The following MYLIP variants were observed in gnomAD, a reference collection of about 807,000 sequenced individuals.
MYLIP encodes myosin regulatory light chain interacting protein.
A neutral mutation model predicts 45.8 loss-of-function variants in MYLIP; 26 were observed. The observed-to-expected ratio is 0.57, with a 90% CI of 0.42 to 0.79. The LOEUF (loss-of-function observed/expected upper bound fraction) is 0.79, where lower values mean the gene tolerates loss of function less well. Among genes scored for constraint, MYLIP ranks in the 30% least tolerant of loss-of-function variants. MYLIP has a pLI of 0.00. For synonymous variants in MYLIP, 213 were observed against 218.1 expected, an observed-to-expected ratio of 0.98 and a Z score of 0.21; for missense variants, 494 against 555.6, an observed-to-expected ratio of 0.89 and a Z score of 1.11.
At chr6:16,143,574 T>A in intron 4 of MYLIP, 125 bp from the exon 5 acceptor site, 1 of 967,122 alleles carries the variant, frequency 1.0e-6, no homozygotes, top group Non-Finnish European at 1.5e-6. Context: ...GGTGATGTGA[T>A]AACCCCAGAG....
chr6:16,129,340 G>T lies in MYLIP; in HGVS notation c.18G>T (p.Thr6=). 6.3e-7 allele frequency: 1 copy of T among 1,581,988 alleles called. No homozygotes were observed. Among genetic ancestry groups the T allele is most frequent in the Non-Finnish European group, 8.6e-7 (1 of 1,164,520 alleles). Reference sequence around the variant, plus strand: ...CCCCAGCCATGCTGTGTTATGTGACGAGGCCGGACGCGGTGCTGATGGAGG... The same window carrying T: ...CCCCAGCCATGCTGTGTTATGTGACTAGGCCGGACGCGGTGCTGATGGAGG... MLCYV[T]RPDAVLMEVE... The change falls in exon 1 of 7, where the codon ACG becomes ACT. Residue 6 remains threonine (T), a synonymous_variant. Coordinates refer to ENST00000356840, the MANE Select transcript of MYLIP (RefSeq NM_013262.4). This position sits in a 1 kb window ranked among gnomAD's most constrained non-coding sequence, Gnocchi z 5.1.
Position 16,141,722 on chromosome 6 carries a change from A to T in MYLIP, c.376A>T (p.Thr126Ser). 2 of 1,614,178 alleles carry T rather than the reference A, an allele frequency of 1.2e-6. No individual in the cohort carries two copies. The highest frequency in any genetic ancestry group is 1.7e-6 in the Non-Finnish European group (2 of 1,180,016). ...AVELSALLAQTKFGDYNQNTA... is the reference protein window; with the variant it reads ...AVELSALLAQSKFGDYNQNTA... ...GGAACTCAGTGCCCTCCTGGCCCAG[A>T]CCAAGTTTGGAGACTACAACCAGAA... The change falls in exon 3 of 7, where the codon ACC (threonine) becomes TCC (serine). Residue 126 changes from threonine to serine, a missense_variant. Coordinates refer to ENST00000356840, the MANE Select transcript of MYLIP (RefSeq NM_013262.4).
At chr6:16,136,679 A>G (rs908199070) in intron 2 of MYLIP, among the ~76,000 whole-genome samples, 10 of 152,214 alleles carry the variant, frequency 6.6e-5, no homozygotes, top group Non-Finnish European at 1.0e-4. Context: ...CTATTTGGCA[A>G]CTGTGCTATT....
chr6:16,135,750 T>TATATATATATAG (rs1273211315), intron 2 of MYLIP, among the ~76,000 whole-genome samples: 1 of 103,848 alleles, frequency 9.6e-6, no homozygotes, highest in East Asian at 4.3e-4. Context: ...TGTGTATACA[T>TATATATATATAG]ATATCTATAT....
At position 16,146,878 on chromosome 6, in the gene MYLIP, AAAAG is replaced by A; in HGVS notation, c.*128_*131del. ...CTGCCATGCGATGTTAAAAAAAAAA[AAAAG>A]GAAGAAAAATAACACAGCTACTCCT... On this transcript the variant is annotated 3_prime_UTR_variant, in exon 7 of 7. Transcript: ENST00000356840. 1 of 819,576 alleles carries A rather than the reference AAAAG, an allele frequency of 1.2e-6. No individual in the cohort carries two copies. The highest frequency in any genetic ancestry group is 1.9e-6 in the Non-Finnish European group (1 of 537,186). The allele number at this position is 819,576 out of a possible 1,614,324, so 50.8% of individuals were successfully genotyped here.
intron 2 of MYLIP, among the ~76,000 whole-genome samples, chr6:16,135,813 GTATATATTCTATATAGTGTACATGTACAC>G (rs1561786806): frequency 7.1e-6 from 1 of 140,748 alleles, no homozygotes; most frequent in Non-Finnish European, 1.5e-5. Context: ...TATATATACA[GTATATATTCTATATAGTGTACATGTACAC>G]TATATATTCT....
chr6:16,136,071 A>G (rs1222616160), intron 2 of MYLIP, among the ~76,000 whole-genome samples: 2 of 152,126 alleles, frequency 1.3e-5, no homozygotes, highest in Admixed American at 1.3e-4. Flanking sequence ...CAATGTTTGC[A>G]GTTTTTTCTT....
Position 16,129,235 on chromosome 6 carries a change from G to C in MYLIP, c.-88G>C. ...GCCTTCGAGGGCCAGCCCTCTCCGA[G>C]TCCGGGGCTGGGTCCCACCAGTGAC... is the stretch of plus-strand genomic sequence containing the variant. On this transcript the variant is annotated 5_prime_UTR_variant, in exon 1 of 7. Coordinates refer to ENST00000356840, the MANE Select transcript of MYLIP (RefSeq NM_013262.4). This position sits in a 1 kb window ranked among gnomAD's most constrained non-coding sequence, Gnocchi z 5.1. 1 of 1,409,440 alleles carries C rather than the reference G, an allele frequency of 7.1e-7. No individual in the cohort carries two copies. Among genetic ancestry groups the C allele is most frequent in the African/African-American group, 1.4e-5 (1 of 69,948 alleles). The allele number at this position is 1,409,440 out of a possible 1,614,324, so 87.3% of individuals were successfully genotyped here.
Position 16,146,771 on chromosome 6 carries a change from A to G in MYLIP, c.*20A>G. On this transcript the variant is annotated 3_prime_UTR_variant, in exon 7 of 7. Coordinates refer to ENST00000356840, the MANE Select transcript of MYLIP (RefSeq NM_013262.4). Reference sequence around the variant, plus strand: ...ATCTAATCTGTTGTGCTTTTGTTGGACTTGGCATGTTTCCATGAACTGCAC... The same window carrying G: ...ATCTAATCTGTTGTGCTTTTGTTGGGCTTGGCATGTTTCCATGAACTGCAC... The G allele has an allele frequency of 6.4e-7, 1 of 1,573,908 alleles. No homozygotes were observed. Among genetic ancestry groups the G allele is most frequent in the African/African-American group, 1.3e-5 (1 of 74,172 alleles).
intron 2 of MYLIP, among the ~76,000 whole-genome samples, chr6:16,134,883 G>T (rs1759520177): frequency 6.6e-6 from 1 of 151,940 alleles, no homozygotes; most frequent in Admixed American, 6.6e-5. Context: ...GTATCTTTAG[G>T]CCCTTTTTGA....
downstream of MYLIP, among the ~76,000 whole-genome samples, chr6:16,148,649 T>G (rs899570545): frequency 6.6e-6 from 1 of 152,126 alleles, no homozygotes; most frequent in Admixed American, 6.5e-5. Flanking sequence ...GTGGCAAAGC[T>G]GGAAGTTAAC....
downstream of MYLIP, among the ~76,000 whole-genome samples, chr6:16,152,117 C>T (rs1016334363): frequency 3.3e-5 from 5 of 152,076 alleles, no homozygotes; most frequent in African/African-American, 9.7e-5. Flanking sequence ...CATGAGAATG[C>T]AAAAGAGCCC....
At position 16,145,211 on chromosome 6, in the gene MYLIP, T is replaced by A; in HGVS notation, c.1142T>A (p.Leu381Gln). 6.2e-7 allele frequency: 1 copy of A among 1,614,038 alleles called. No homozygotes were observed. Among genetic ancestry groups the A allele is most frequent in the Non-Finnish European group, 8.5e-7 (1 of 1,179,974 alleles). Residue 381 changes from leucine to glutamine, a missense_variant, in exon 6 of 7, where the codon CTG becomes CAG. Leu to Gln is a moderately radical substitution (Grantham distance 113). Coordinates refer to ENST00000356840, the MANE Select transcript of MYLIP (RefSeq NM_013262.4). ...GTGCTGCAGGAGAAGCTACGCAAGC[T>A]GAAGGAAGCCATGCTGTGCATGGTG... is the stretch of plus-strand genomic sequence containing the variant. ...TRVLQEKLRK[L>Q]KEAMLCMVCC...
intron 2 of MYLIP, among the ~76,000 whole-genome samples, chr6:16,137,205 G>A (rs566859614): frequency 6.6e-6 from 1 of 152,322 alleles, no homozygotes; most frequent in Non-Finnish European, 1.5e-5. Flanking sequence ...TGAAATTAAA[G>A]ATACAAAACA....
intron 3 of MYLIP, among the ~76,000 whole-genome samples, chr6:16,142,610 C>T (rs1759696089): frequency 2.0e-5 from 3 of 152,242 alleles, no homozygotes; most frequent in Admixed American, 1.3e-4. Flanking sequence ...CTGAGGGTGG[C>T]CTCCATGCCA....
At chr6:16,159,904 C>T in the MYLIP span, among the ~76,000 whole-genome samples, 25 of 152,248 alleles carry the variant, frequency 1.6e-4, no homozygotes, top group Non-Finnish European at 3.4e-4. Context: ...GAGCAAGGGG[C>T]CCCGGGAGAT....
At chr6:16,159,190 T>C in the MYLIP span, among the ~76,000 whole-genome samples, 2 of 152,198 alleles carry the variant, frequency 1.3e-5, no homozygotes, top group Non-Finnish European at 2.9e-5. Context: ...GATCTAGATA[T>C]TGACTATTAC....
intron 2 of MYLIP, among the ~76,000 whole-genome samples, chr6:16,137,327 G>C (rs758426413): frequency 6.6e-6 from 1 of 152,178 alleles, no homozygotes; most frequent in Non-Finnish European, 1.5e-5. Context: ...ACTGAGGCAG[G>C]CTGGCTGATG....
In MYLIP at chr6:16,143,336, T is replaced by C. The variant is rs577472817; in HGVS notation, c.662+119T>C. 1.3e-5 allele frequency: 13 copies of C among 1,008,190 alleles called. No homozygotes were observed. The African/African-American group carries it at 1.5e-4, about 11-fold the overall frequency. 62.5% of individuals were successfully genotyped at this position (1,008,190 alleles called of 1,614,324 possible). On this transcript the variant is annotated intron_variant, in intron 4 of 6. Coordinates refer to ENST00000356840, the MANE Select transcript of MYLIP (RefSeq NM_013262.4). Reference sequence around the variant, plus strand: ...CAGCTCTTAGGAATGAAAGATTTCATTTTGGTATGTACATTAATTTTATTC... The same window carrying C: ...CAGCTCTTAGGAATGAAAGATTTCACTTTGGTATGTACATTAATTTTATTC...
Sources: gnomAD v4.1 joint callset for allele counts (sites outside exome capture counted in the v4.1 genomes callset) on GRCh38, gnomAD v4.1.1 for gene constraint, Gnocchi (gnomAD v3.1) non-coding constraint, MANE v1.5 for transcripts, NCBI Gene and HGNC (gene_info 2026-07-23, HGNC 2026-07-21) for gene names.